Variants in KAZN observed in about 807,000 individuals in gnomAD.
KAZN encodes the protein kazrin, periplakin interacting protein.
A neutral mutation model predicts 87.4 loss-of-function variants in KAZN; 40 were observed. The ratio of observed to expected loss-of-function variants is 0.46; its 90% CI spans 0.36 to 0.60. The LOEUF (loss-of-function observed/expected upper bound fraction) is 0.60. Ranked by LOEUF, KAZN falls within the 20% of genes least tolerant of loss-of-function variation. The pLI is 0.00. For missense variants in KAZN, 898 were observed against 1,073.9 expected, an observed-to-expected ratio of 0.84 and a Z score of 2.29; for synonymous variants, 466 against 458.3, an observed-to-expected ratio of 1.02 and a Z score of -0.22.
chr1:15,068,952 A>G (rs1639387462), intron 8 of KAZN, among the ~76,000 whole-genome samples: 1 of 152,106 alleles, frequency 6.6e-6, no homozygotes, highest in Non-Finnish European at 1.5e-5. Flanking sequence ...AGGATTGGGA[A>G]GGCCAGGAAA....
intron 1 of KAZN, among the ~76,000 whole-genome samples, chr1:13,987,422 T>C (rs1266092762): frequency 3.3e-5 from 5 of 152,214 alleles, no homozygotes; most frequent in Non-Finnish European, 7.3e-5. Flanking sequence ...ACATGTGGTG[T>C]TTGGTTTTCT....
chr1:14,612,306 G>A (rs767110211), intron 1 of KAZN, among the ~76,000 whole-genome samples: 4 of 152,102 alleles, frequency 2.6e-5, no homozygotes, highest in Non-Finnish European at 5.9e-5. Context: ...CCCAAGACCC[G>A]CGCTCTAACC....
At chr1:14,458,870 TTGAA>T (rs1460846204) in intron 2 of KAZN, among the ~76,000 whole-genome samples, 4 of 152,162 alleles carry the variant, frequency 2.6e-5, no homozygotes, top group African/African-American at 9.7e-5. Flanking sequence ...TAAATATTTG[TTGAA>T]TGAATGAGTG....
chr1:14,844,106 C>T (rs776246731), intron 1 of KAZN, among the ~76,000 whole-genome samples: 5 of 152,194 alleles, frequency 3.3e-5, no homozygotes, highest in Non-Finnish European at 5.9e-5. Flanking sequence ...TTTGAGCTCT[C>T]ATTAGCCACC....
In KAZN at chr1:14,579,692, A is replaced by G. The variant is rs145263556; in HGVS notation, c.250-19291A>G. Among the ~76,000 whole-genome samples the G allele has an allele frequency of 2.0e-3, 308 of 152,306 alleles. 2 individuals carry two copies. The East Asian group carries it at 0.023, about 11-fold the overall frequency. The stretch of plus-strand genomic sequence containing the variant: ...CATACTATTTGACCACTGCTGAAAA[A>G]AAAATTTTTTTAGCATGCCTTAATC... On this transcript the variant is annotated intron_variant, in intron 2 of 16. Coordinates refer to the KAZN transcript ENST00000636203.
intron 1 of KAZN, among the ~76,000 whole-genome samples, chr1:14,115,447 T>G (rs75110739): frequency 2.6e-5 from 4 of 152,162 alleles, no homozygotes; most frequent in African/African-American, 4.8e-5. Context: ...TCTTATGAGA[T>G]CTAATGGTTC....
intron 2 of KAZN, among the ~76,000 whole-genome samples, chr1:14,965,982 C>CTTTTTTTT (rs71306999): frequency 7.7e-5 from 10 of 129,180 alleles, no homozygotes; most frequent in African/African-American, 2.1e-4. Context: ...CTTTCCTTTT[C>CTTTTTTTT]TTTTTTTTTT....
intron 1 of KAZN, among the ~76,000 whole-genome samples, chr1:14,910,455 C>G (rs566647346): frequency 1.3e-5 from 2 of 152,162 alleles, no homozygotes; most frequent in Admixed American, 1.3e-4. Context: ...TAATTCTTTG[C>G]TGTAGGAGGT....
At chr1:14,872,523 T>G (rs1652254060) in intron 1 of KAZN, among the ~76,000 whole-genome samples, 1 of 152,244 alleles carries the variant, frequency 6.6e-6, no homozygotes, top group Non-Finnish European at 1.5e-5. Flanking sequence ...TAAGGGAATA[T>G]TCATTGCATC....
chr1:15,010,349 C>A (rs1208129238), intron 2 of KAZN, among the ~76,000 whole-genome samples: 1 of 150,262 alleles, frequency 6.7e-6, no homozygotes, highest in South Asian at 2.1e-4. Context: ...GATGTTGGGT[C>A]CTCCTCTCCA....
intron 1 of KAZN, among the ~76,000 whole-genome samples, chr1:14,745,695 A>T (rs952598313): frequency 6.6e-6 from 1 of 152,204 alleles, no homozygotes; most frequent in Non-Finnish European, 1.5e-5. Flanking sequence ...AGTGGGGAAG[A>T]GATCTTAATC....
intron 2 of KAZN, among the ~76,000 whole-genome samples, chr1:14,518,045 C>A (rs1374803810): frequency 1.3e-5 from 2 of 152,196 alleles, no homozygotes; most frequent in African/African-American, 2.4e-5. Flanking sequence ...GGTTCAAGCC[C>A]AAGGTCTGCC....
chr1:14,459,260 C>CGTCT (rs1553175311), intron 2 of KAZN, among the ~76,000 whole-genome samples: 107 of 118,112 alleles, frequency 9.1e-4, no homozygotes, highest in Middle Eastern at 5.7e-3. Flanking sequence ...TGTGTGTGCG[C>CGTCT]GTGTGTGTGT....
At chr1:14,115,058 C>T (rs10803452) in intron 1 of KAZN, among the ~76,000 whole-genome samples, 55,129 of 152,070 alleles carry the variant, frequency 0.36, 11,200 homozygotes, top group East Asian at 0.7. Flanking sequence ...ATAACAAAGT[C>T]CCACAGACTG....
intron 1 of KAZN, among the ~76,000 whole-genome samples, chr1:14,040,444 G>A (rs926243899): frequency 1.3e-5 from 2 of 152,104 alleles, no homozygotes; most frequent in Admixed American, 6.6e-5. Context: ...AAAAGCCTGA[G>A]CAACTTTCCT....
In KAZN at chr1:14,333,859, T is replaced by C. The variant is rs111688516; in HGVS notation, c.249+153267T>C. On this transcript the variant is annotated intron_variant, in intron 2 of 16. Transcript: ENST00000636203. ...AGTTTTCCAGCAATGAGCAAAGTGG[T>C]CAAAGGCCACAGAAATGTGGCTGCC... Among the ~76,000 whole-genome samples the C allele has an allele frequency of 2.8e-3, 425 of 152,082 alleles. 4 individuals are homozygous for C. The highest frequency in any genetic ancestry group is 9.9e-3 in the African/African-American group (410 of 41,496).
chr1:14,363,949 A>C (rs1659737978), intron 2 of KAZN, among the ~76,000 whole-genome samples: 2 of 148,006 alleles, frequency 1.4e-5, no homozygotes, highest in Non-Finnish European at 3.0e-5. Context: ...ATGCCTTATC[A>C]GAGCCTTTAC....
intron 2 of KAZN, among the ~76,000 whole-genome samples, chr1:14,575,192 G>T (rs1675103598): frequency 6.6e-6 from 1 of 152,074 alleles, no homozygotes; most frequent in South Asian, 2.1e-4. Flanking sequence ...ATTTCAGTTG[G>T]TTGGGGGAAG....
chr1:14,867,735 C>G (rs947382956), intron 1 of KAZN, among the ~76,000 whole-genome samples: 1 of 121,458 alleles, frequency 8.2e-6, no homozygotes, highest in Non-Finnish European at 1.7e-5. Flanking sequence ...CCCCCCCCCC[C>G]ACCCTGGGCA....
Sources: gnomAD v4.1 joint callset for allele counts (sites outside exome capture counted in the v4.1 genomes callset) on GRCh38, gnomAD v4.1.1 for gene constraint, MANE v1.5 for transcripts, NCBI Gene and HGNC (gene_info 2026-07-23, HGNC 2026-07-21) for gene names.